MYL6: variants seen among roughly 807,000 people sequenced by gnomAD.
MYL6 encodes myosin light polypeptide 6.
MYL6 carries 20 observed loss-of-function variants against 20.3 expected under a neutral mutation model. The observed-to-expected ratio is 0.98, with a 90% CI of 0.69 to 1.43. The LOEUF is 1.43. Ranked by LOEUF, MYL6 falls within the 40% of genes most tolerant of loss-of-function variation. The probability of loss-of-function intolerance (pLI) is 0.00; values close to 1 mark genes in which losing one functional copy is unlikely to be tolerated. For missense variants in MYL6, 164 were observed against 191.0 expected, an observed-to-expected ratio of 0.86 and a Z score of 0.83; for synonymous variants, 77 against 72.4, an observed-to-expected ratio of 1.06 and a Z score of -0.32.
At position 56,161,125 on chromosome 12, in the gene MYL6, T is replaced by C. The variant is rs1322448630; in HGVS notation, c.*17-262T>C. On this transcript the variant is annotated intron_variant, in intron 6 of 6. Transcript: ENST00000550697. ...TCCCGCCAGTGGCTGACAGTAGCTG[T>C]AGGTGTAGTGGAGAACTTTTCTGCC... 6.7e-6 allele frequency: 4 copies of C among 597,018 alleles called. No individual in the cohort carries two copies. In the Admixed American group the frequency reaches 1.2e-4, roughly 18 times the overall value. The allele number at this position is 597,018 out of a possible 1,614,324, so 37.0% of individuals were successfully genotyped here. A position where few individuals can be genotyped will look rare whatever the true frequency, so the allele number is the denominator to read the frequency against.
At chr12:56,158,957 G>C (rs912428297) in intron 2 of MYL6, 1 of 1,397,726 alleles carries the variant, frequency 7.2e-7, no homozygotes, top group Non-Finnish European at 9.2e-7. Context: ...GAAAAAACTT[G>C]GTCACTTAAT....
intron 6 of MYL6, 187 bp downstream of exon 6, chr12:56,160,857 T>C (rs1328877742): frequency 1.6e-6 from 1 of 643,724 alleles, no homozygotes; most frequent in South Asian, 1.9e-5. Context: ...GTACAGTACC[T>C]CCTTACCTCT....
In MYL6 at chr12:56,158,643, T is replaced by A. The variant is rs771475357; in HGVS notation, c.4-41T>A. 6 of 1,613,954 alleles carry A rather than the reference T, an allele frequency of 3.7e-6. No individual in the cohort carries two copies. In the Admixed American group the frequency reaches 8.3e-5, roughly 22 times the overall value. On this transcript the variant is annotated intron_variant, in intron 1 of 6. Transcript: ENST00000550697. The stretch of plus-strand genomic sequence containing the variant: ...GGGGCTGGGATAGAAACTCGGGGGA[T>A]TGGCGTTCAGATGCTGACCACTTCC...
Position 56,160,643 on chromosome 12 carries a change from C to G in MYL6, c.445C>G (p.Leu149Val), listed in dbSNP as rs1239920988. ...INYEAFVRHI[L>V]SG ...TCCTGCAGCGTTTGTGAGGCATATC[C>G]TGTCGGGGTGACGGGCCCATGGGGC... The change falls in exon 6 of 7, where the codon CTG (leucine) becomes GTG (valine). Residue 149 changes from leucine (L) to valine (V), a missense_variant. Transcript: ENST00000550697. The G allele has an allele frequency of 6.2e-7, 1 of 1,614,104 alleles. No homozygotes were observed. Among genetic ancestry groups the G allele is most frequent in the Non-Finnish European group, 8.5e-7 (1 of 1,180,028 alleles).
Position 56,159,618 on chromosome 12 carries a change from A to T in MYL6, c.63A>T (p.Arg21=). The change falls in exon 3 of 7, where the codon CGA becomes CGT. Residue 21 remains arginine (R), a synonymous_variant. Coordinates refer to ENST00000550697, the MANE Select transcript of MYL6 (RefSeq NM_021019.5). ...EFKEAFQLFD[R]TGDGKILYSQ... ...AGGAGGCCTTCCAGCTGTTTGACCG[A>T]ACAGGTGATGGCAAGATCCTGTACA... 6.2e-7 allele frequency: 1 copy of T among 1,613,958 alleles called. No homozygotes were observed. Among genetic ancestry groups the T allele is most frequent in the Non-Finnish European group, 8.5e-7 (1 of 1,179,958 alleles).
chr12:56,160,436 G>T (rs1871685292), intron 5 of MYL6, 116 bp downstream of exon 5: 1 of 1,511,030 alleles, frequency 6.6e-7, no homozygotes, highest in African/African-American at 1.4e-5. Context: ...AGGAGGCAAG[G>T]TGCAGGGCCC....
chr12:56,160,454 C>T, intron 5 of MYL6, 134 bp downstream of exon 5: 1 of 1,451,372 alleles, frequency 6.9e-7, no homozygotes, highest in East Asian at 2.3e-5. Flanking sequence ...CCCTGCCCAG[C>T]CCAGCCCAGG....
rs1174782107 is a variant in MYL6, at chr12:56,160,293, G to A, written c.400G>A (p.Asp134Asn). 2 of 1,614,218 alleles carry A rather than the reference G, an allele frequency of 1.2e-6. No individual in the cohort carries two copies. Among genetic ancestry groups the A allele is most frequent in the Non-Finnish European group, 1.7e-6 (2 of 1,180,040 alleles). ...AGAGATGCTGGTGGCAGGGCATGAG[G>A]ACAGCAATGGTTGTATCAACTATGA... ...EVEMLVAGHE[D>N]SNGCINYEAF... Residue 134 changes from aspartate to asparagine, a missense_variant, in exon 5 of 7, where the codon GAC becomes AAC. By Grantham distance (23) the Asp-to-Asn change is conservative (BLOSUM62 1). Coordinates refer to ENST00000550697, the MANE Select transcript of MYL6 (RefSeq NM_021019.5).
chr12:56,158,818 A>C, intron 2 of MYL6, 107 bp downstream of exon 2: 1 of 1,552,358 alleles, frequency 6.4e-7, no homozygotes, highest in Non-Finnish European at 8.7e-7. Flanking sequence ...CACCCCCATG[A>C]GATTACCCCC....
intron 3 of MYL6, 109 bp downstream of exon 3, chr12:56,159,839 G>C: frequency 6.5e-7 from 1 of 1,530,410 alleles, no homozygotes; most frequent in South Asian, 1.3e-5. Context: ...GTCTGGATTA[G>C]CAAATCCCAT....
At chr12:56,160,878 C>A in intron 6 of MYL6, 1 of 612,616 alleles carries the variant, frequency 1.6e-6, no homozygotes. Context: ...AGAATGGGCC[C>A]TGAGGTTTTA....
At chr12:56,159,056 C>G (rs1248395815) in intron 2 of MYL6, 1 of 686,390 alleles carries the variant, frequency 1.5e-6, no homozygotes, top group African/African-American at 1.8e-5. Context: ...CTTTTCTCCT[C>G]TTGTGATAAC....
chr12:56,158,472 G>T, intron 1 of MYL6, 68 bp downstream of exon 1: 1 of 1,554,002 alleles, frequency 6.4e-7, no homozygotes, highest in South Asian at 1.2e-5. Flanking sequence ...GGTGGGGGGC[G>T]AGGAGAAGGC....
At chr12:56,158,973 C>T in intron 2 of MYL6, 2 of 1,380,260 alleles carry the variant, frequency 1.4e-6, no homozygotes, top group South Asian at 1.7e-5. Flanking sequence ...TTAATGCCTG[C>T]TGTGTGTGGG....
intron 5 of MYL6, 28 bp from the exon 6 acceptor site, chr12:56,160,598 C>T (rs1871714294): frequency 6.2e-7 from 1 of 1,613,910 alleles, no homozygotes; most frequent in Non-Finnish European, 8.5e-7. Flanking sequence ...GTCTTGTCTT[C>T]ACCATGAATG....
chr12:56,158,525 A>C (rs1252290717), intron 1 of MYL6, 121 bp downstream of exon 1: 5 of 1,607,626 alleles, frequency 3.1e-6, no homozygotes, highest in Non-Finnish European at 3.4e-6. Flanking sequence ...GAAAGGTTGG[A>C]GGTGGGGTTG....
chr12:56,159,051 C>A, intron 2 of MYL6: 1 of 773,430 alleles, frequency 1.3e-6, no homozygotes. Flanking sequence ...TGCCTCTTTT[C>A]TCCTCTTGTG....
chr12:56,160,822 C>A, intron 6 of MYL6, 152 bp downstream of exon 6: 1 of 859,186 alleles, frequency 1.2e-6, no homozygotes, highest in South Asian at 1.7e-5. Flanking sequence ...GGGAGGGATT[C>A]CTCAAAGAGG....
At position 56,160,155 on chromosome 12, in the gene MYL6, TTC is replaced by T. The variant is rs755514839; in HGVS notation, c.349+9_349+10del. On this transcript the variant is annotated splice_region_variant and intron_variant, in intron 4 of 6. Coordinates refer to ENST00000550697, the MANE Select transcript of MYL6 (RefSeq NM_021019.5). ...CATGTTCTTGTCACACTGGGTAAGG[TTC>T]TGTGTCCTTGTCCTTGAGCTGAGAT... 2 of 1,613,872 alleles carry T rather than the reference TTC, an allele frequency of 1.2e-6. No individual in the cohort carries two copies. The highest frequency in any genetic ancestry group is 8.5e-7 in the Non-Finnish European group (1 of 1,179,838).
Sources: allele counts gnomAD v4.1 joint callset, GRCh38; gene constraint gnomAD v4.1.1; transcripts MANE v1.5; gene names NCBI Gene and HGNC (gene_info 2026-07-23, HGNC 2026-07-21).